The following TRERF1 variants were observed in gnomAD, a reference collection of about 807,000 sequenced individuals.
TRERF1 encodes the protein transcriptional regulating factor 1, also known as transcriptional-regulating factor 1.
In TRERF1, 27 loss-of-function variants were observed where a neutral mutation model predicts 122.9. The observed-to-expected ratio is 0.22, with a 90% CI of 0.16 to 0.30. The LOEUF (loss-of-function observed/expected upper bound fraction) is 0.30. Among genes scored for constraint, TRERF1 ranks in the 10% least tolerant of loss-of-function variants. TRERF1 has a pLI of 1.00. For synonymous variants in TRERF1, 636 were observed against 641.7 expected (o/e 0.99, Z 0.13); for missense variants, 1,248 against 1,560.3 (o/e 0.80, Z 3.37).
At chr6:42,450,656 A>G (rs1486281757) in intron 2 of TRERF1, among the ~76,000 whole-genome samples, 1 of 152,010 alleles carries the variant, frequency 6.6e-6, no homozygotes, top group Non-Finnish European at 1.5e-5. Flanking sequence ...GGTTTTTAAT[A>G]TCTGTTTCTT....
At chr6:42,410,269 CA>C (rs1411983505) in intron 2 of TRERF1, among the ~76,000 whole-genome samples, 1 of 152,026 alleles carries the variant, frequency 6.6e-6, no homozygotes, top group African/African-American at 2.4e-5. Context: ...CGATTCCTCC[CA>C]AATAGCTGGA....
chr6:42,247,082 G>A (rs139317630), intron 13 of TRERF1, among the ~76,000 whole-genome samples: 2 of 152,306 alleles, frequency 1.3e-5, no homozygotes, highest in East Asian at 3.9e-4. Flanking sequence ...TAGAGGCGAG[G>A]TGCCAATGGG....
intron 2 of TRERF1, among the ~76,000 whole-genome samples, chr6:42,407,874 G>A (rs1030127789): frequency 6.6e-6 from 1 of 150,814 alleles, no homozygotes; most frequent in East Asian, 1.9e-4. Flanking sequence ...ACAGGTAAGC[G>A]ATTCCATATT....
chr6:42,432,844 A>C (rs1784694249), intron 2 of TRERF1, among the ~76,000 whole-genome samples: 1 of 10,710 alleles, frequency 9.3e-5, no homozygotes, highest in East Asian at 2.3e-3. Flanking sequence ...CTCTGTCTCA[A>C]AAAAAAAAAA....
intron 3 of TRERF1, among the ~76,000 whole-genome samples, chr6:42,312,231 A>G (rs908479355): frequency 1.3e-5 from 2 of 152,142 alleles, no homozygotes; most frequent in Non-Finnish European, 2.9e-5. Context: ...AGAGAAGAGC[A>G]GTCTGAATGG....
chr6:42,379,466 C>T (rs1775529096), intron 2 of TRERF1, among the ~76,000 whole-genome samples: 1 of 152,164 alleles, frequency 6.6e-6, no homozygotes, highest in South Asian at 2.1e-4. Context: ...TCCCCTCCCT[C>T]CCACCTTTGC....
intron 2 of TRERF1, among the ~76,000 whole-genome samples, chr6:42,387,686 G>T (rs764848181): frequency 6.6e-6 from 1 of 152,182 alleles, no homozygotes; most frequent in Non-Finnish European, 1.5e-5. Context: ...ATCAAACAAA[G>T]ATAGTGAATC....
chr6:42,319,526 T>C (rs1763035473), intron 3 of TRERF1, among the ~76,000 whole-genome samples: 1 of 152,158 alleles, frequency 6.6e-6, no homozygotes, highest in South Asian at 2.1e-4. Context: ...AATTTGATTG[T>C]TAAAAAAAGT....
At chr6:42,369,410 C>T (rs1399776162) in intron 2 of TRERF1, among the ~76,000 whole-genome samples, 1 of 152,148 alleles carries the variant, frequency 6.6e-6, no homozygotes, top group African/African-American at 2.4e-5. Context: ...AGCCACTGCA[C>T]TCCAACCTGG....
At chr6:42,281,875 A>G (rs1427297033) in intron 4 of TRERF1, among the ~76,000 whole-genome samples, 1 of 152,082 alleles carries the variant, frequency 6.6e-6, no homozygotes, top group Admixed American at 6.5e-5. Context: ...CCTCCCAATA[A>G]CCCCACATGG....
At chr6:42,345,023 T>C (rs1767999899) in intron 3 of TRERF1, among the ~76,000 whole-genome samples, 1 of 152,216 alleles carries the variant, frequency 6.6e-6, no homozygotes, top group African/African-American at 2.4e-5. Flanking sequence ...AGTGAACCTA[T>C]ATTATCATGG....
At chr6:42,371,780 C>A (rs557689361) in intron 2 of TRERF1, among the ~76,000 whole-genome samples, 22 of 152,304 alleles carry the variant, frequency 1.4e-4, no homozygotes, top group African/African-American at 4.8e-4. Flanking sequence ...AATGTCCCCC[C>A]ACATTGTGCT....
chr6:42,416,573 C>T (rs1481451047), intron 2 of TRERF1, among the ~76,000 whole-genome samples: 1 of 152,172 alleles, frequency 6.6e-6, no homozygotes, highest in Non-Finnish European at 1.5e-5. Context: ...TTTAAATGGG[C>T]TGCTGGGTTC....
intron 2 of TRERF1, among the ~76,000 whole-genome samples, chr6:42,434,833 A>C (rs1227334503): frequency 1.3e-5 from 2 of 152,144 alleles, no homozygotes; most frequent in Non-Finnish European, 1.5e-5. Flanking sequence ...ATTATTGTCT[A>C]CATAAAACAA....
intron 3 of TRERF1, among the ~76,000 whole-genome samples, chr6:42,308,333 G>A (rs1045160561): frequency 6.6e-5 from 10 of 152,156 alleles, no homozygotes; most frequent in African/African-American, 1.2e-4. Context: ...GATGAACCTC[G>A]AAAACAGGGT....
chr6:42,278,800 A>G (rs1197878722), intron 4 of TRERF1, among the ~76,000 whole-genome samples: 1 of 152,176 alleles, frequency 6.6e-6, no homozygotes. Context: ...AGCTGCTAAG[A>G]GAATTTCAGA....
chr6:42,351,951 A>G (rs1280681121), intron 3 of TRERF1, among the ~76,000 whole-genome samples: 1 of 152,098 alleles, frequency 6.6e-6, no homozygotes, highest in Non-Finnish European at 1.5e-5. Flanking sequence ...CCTATGTTGG[A>G]CTGAGTGAGA....
chr6:42,241,106 G>A (rs1042919177), intron 15 of TRERF1, among the ~76,000 whole-genome samples: 1 of 152,064 alleles, frequency 6.6e-6, no homozygotes, highest in Non-Finnish European at 1.5e-5. Context: ...GGGTGGTCTC[G>A]ATCTCCTGAC....
At chr6:42,413,944 T>A (rs1275197069) in intron 2 of TRERF1, among the ~76,000 whole-genome samples, 1 of 152,164 alleles carries the variant, frequency 6.6e-6, no homozygotes, top group African/African-American at 2.4e-5. Context: ...GAAGAAAATT[T>A]TTCGTGAAAT....
Sources: allele counts gnomAD v4.1 joint callset (sites outside exome capture counted in the v4.1 genomes callset), GRCh38; gene constraint gnomAD v4.1.1; transcripts MANE v1.5; gene names NCBI Gene and HGNC (gene_info 2026-07-23, HGNC 2026-07-21).